The following SCRN1 variants were observed in gnomAD, a reference collection of about 807,000 sequenced individuals.
SCRN1 encodes the protein secernin 1.
Under a neutral mutation model 43.3 loss-of-function variants are expected in SCRN1, and 19 were observed. The observed-to-expected ratio is 0.44, with a 90% CI of 0.31 to 0.64. The LOEUF (loss-of-function observed/expected upper bound fraction) is 0.64. SCRN1 is among the 30% of genes least tolerant of loss of function. The probability of loss-of-function intolerance (pLI) is 0.09; values close to 1 mark genes in which losing one functional copy is unlikely to be tolerated. For synonymous variants in SCRN1, 183 were observed against 188.9 expected (o/e 0.97, Z 0.26); for missense variants, 447 against 524.1 (o/e 0.85, Z 1.44).
chr7:29,963,866 A>G (rs1320607453), intron 2 of SCRN1, among the ~76,000 whole-genome samples: 1 of 152,248 alleles, frequency 6.6e-6, no homozygotes, highest in African/African-American at 2.4e-5. Flanking sequence ...TGTTAAGTGA[A>G]AATAGGAAAG....
At chr7:29,948,866 G>A (rs1238301793) in intron 3 of SCRN1, among the ~76,000 whole-genome samples, 2 of 152,120 alleles carry the variant, frequency 1.3e-5, no homozygotes, top group Admixed American at 6.5e-5. Context: ...CATGGAAATT[G>A]AAAAAGGACT....
intron 2 of SCRN1, among the ~76,000 whole-genome samples, chr7:29,963,803 T>G (rs1030647777): frequency 1.3e-5 from 2 of 152,098 alleles, no homozygotes; most frequent in Non-Finnish European, 2.9e-5. Context: ...TGGATTACTA[T>G]GTAGCTGTAA....
intron 6 of SCRN1, among the ~76,000 whole-genome samples, chr7:29,934,987 G>C (rs983197174): frequency 4.6e-5 from 7 of 152,218 alleles, no homozygotes; most frequent in African/African-American, 1.7e-4. Context: ...TGTTGTTCCT[G>C]CTTTTTACCT....
chr7:29,973,687 C>G (rs1049545193), intron 1 of SCRN1, among the ~76,000 whole-genome samples: 1 of 152,152 alleles, frequency 6.6e-6, no homozygotes, highest in South Asian at 2.1e-4. Flanking sequence ...AAATTGCATA[C>G]AGACAATATC....
intron 2 of SCRN1, among the ~76,000 whole-genome samples, chr7:29,963,944 G>A (rs183818155): frequency 6.6e-6 from 1 of 152,300 alleles, no homozygotes; most frequent in East Asian, 1.9e-4. Flanking sequence ...TATACATAAT[G>A]TGCTGCATTC....
intron 6 of SCRN1, among the ~76,000 whole-genome samples, chr7:29,932,699 G>A (rs546066064): frequency 3.7e-4 from 52 of 141,386 alleles, no homozygotes; most frequent in African/African-American, 1.3e-3. Context: ...ACTGAGAGGA[G>A]AAGAGGAGGA....
At position 29,952,150 on chromosome 7, in the gene SCRN1, G is replaced by A. The variant is rs572993573; in HGVS notation, c.341+3029C>T. The stretch of plus-strand genomic sequence containing the variant: ...GATAGAAAGTTTCCTGTGGAGCAGC[G>A]GTTCTCACCGTAACCGTGCATCAGC... On this transcript the variant is annotated intron_variant, in intron 3 of 7. Transcript: ENST00000242059. Among the ~76,000 whole-genome samples the A allele has an allele frequency of 1.7e-3, 261 of 152,316 alleles. 1 individual carries two copies. The highest frequency in any genetic ancestry group is 3.9e-3 in the African/African-American group (162 of 41,572).
chr7:29,949,886 G>A (rs1012549695), intron 3 of SCRN1, among the ~76,000 whole-genome samples: 3 of 152,206 alleles, frequency 2.0e-5, no homozygotes, highest in Non-Finnish European at 4.4e-5. Context: ...ATGTTGCCCA[G>A]GCTGGTCTTG....
At chr7:29,970,028 C>T (rs914511816) in intron 1 of SCRN1, 12 of 376,100 alleles carry the variant, frequency 3.2e-5, no homozygotes, top group Admixed American at 3.2e-4. Flanking sequence ...TGCACCAAGC[C>T]ACCACCATCT....
At chr7:29,926,179 A>C (rs1786945220) in intron 7 of SCRN1, among the ~76,000 whole-genome samples, 1 of 152,254 alleles carries the variant, frequency 6.6e-6, no homozygotes, top group Admixed American at 6.5e-5. Context: ...ATTCCTACGT[A>C]AACAGTAAAT....
chr7:29,960,346 T>C (rs958989069), intron 2 of SCRN1, among the ~76,000 whole-genome samples: 1 of 151,806 alleles, frequency 6.6e-6, no homozygotes, highest in Non-Finnish European at 1.5e-5. Flanking sequence ...TTGACGACAG[T>C]GAATCCATAC....
Position 29,985,180 on chromosome 7 carries a change from C to T in SCRN1, c.-2+4462G>A, listed in dbSNP as rs76897274. Among the ~76,000 whole-genome samples the T allele has an allele frequency of 2.8e-5, 4 of 143,108 alleles. 1 individual carries two copies. The highest frequency in any genetic ancestry group is 8.0e-5 in the African/African-American group (3 of 37,664). The allele number at this position is 143,108 out of a possible 152,430, so 93.9% of individuals were successfully genotyped here. On this transcript the variant is annotated intron_variant, in intron 1 of 7. Coordinates refer to ENST00000242059, the MANE Select transcript of SCRN1 (RefSeq NM_014766.5). ...CCAGCACTTGGGAGACTGAGGCAGGCGGATCATGAGGTCAGGAGTTTGAGA... is the reference window on the plus strand; with the variant it reads ...CCAGCACTTGGGAGACTGAGGCAGGTGGATCATGAGGTCAGGAGTTTGAGA...
intron 2 of SCRN1, among the ~76,000 whole-genome samples, chr7:29,967,045 A>G (rs1788520098): frequency 6.6e-6 from 1 of 152,216 alleles, no homozygotes; most frequent in East Asian, 1.9e-4. Context: ...CAATCATCAG[A>G]AAAATCAGTT....
At chr7:29,964,713 C>T (rs569281717) in intron 2 of SCRN1, among the ~76,000 whole-genome samples, 1 of 151,968 alleles carries the variant, frequency 6.6e-6, no homozygotes, top group African/African-American at 2.4e-5. Flanking sequence ...GAGGCCGAGG[C>T]GGGTGGATCA....
chr7:29,969,735 C>T, intron 1 of SCRN1: 1 of 441,338 alleles, frequency 2.3e-6, no homozygotes, highest in Admixed American at 2.5e-5. Flanking sequence ...AAAATGCATC[C>T]ATGCTCAGAG....
At position 29,940,766 on chromosome 7, in the gene SCRN1, C is replaced by T. The variant is rs750761419; in HGVS notation, c.655G>A (p.Glu219Lys). The T allele has an allele frequency of 5.1e-5, 82 of 1,610,250 alleles. 1 individual carries two copies. Among genetic ancestry groups the T allele is most frequent in the Admixed American group, 1.4e-4 (8 of 58,882 alleles). ...QSQGWWTGEG[E>K]FNFSEVFSPV... is the part of the protein sequence containing the mutation. ...GAAAAGACTTCGGAAAAATTGAACT[C>T]GCCCTCTCCCGTCCACCAACCTTGG... Residue 219 changes from glutamate to lysine, a missense_variant, in exon 5 of 8, where the codon GAG becomes AAG. Glu to Lys is a moderately conservative substitution (Grantham distance 56). Coordinates refer to ENST00000242059, the MANE Select transcript of SCRN1 (RefSeq NM_014766.5).
chr7:29,936,299 C>T (rs1303539885), intron 6 of SCRN1, among the ~76,000 whole-genome samples: 1 of 152,184 alleles, frequency 6.6e-6, no homozygotes, highest in Admixed American at 6.5e-5. Context: ...GTAAGGACCA[C>T]AATTACTTTC....
At chr7:29,934,817 C>G (rs890394635) in intron 6 of SCRN1, among the ~76,000 whole-genome samples, 2 of 152,158 alleles carry the variant, frequency 1.3e-5, no homozygotes, top group African/African-American at 4.8e-5. Flanking sequence ...ACGGGTGCCA[C>G]GGGAGGGTGG....
Position 29,968,910 on chromosome 7 carries a change from T to C in SCRN1, c.158A>G (p.Glu53Gly). 6.2e-7 allele frequency: 1 copy of C among 1,614,136 alleles called. No homozygotes were observed. The highest frequency in any genetic ancestry group is 1.1e-5 in the South Asian group (1 of 91,076). ...GCGAGACTGCAATGCACGGCTTACCTCAACCTTGCTCTCCGGTTCGTGATC... is the reference window on the plus strand; with the variant it reads ...GCGAGACTGCAATGCACGGCTTACCCCAACCTTGCTCTCCGGTTCGTGATC... ...AADHEPESKV[E>G]CTYISIDQVP... Residue 53 changes from glutamate to glycine, a missense_variant and splice_region_variant, in exon 2 of 8, where the codon GAG (glutamate) becomes GGG (glycine). Transcript: ENST00000242059.
Sources: allele counts gnomAD v4.1 joint callset (sites outside exome capture counted in the v4.1 genomes callset), GRCh38; gene constraint gnomAD v4.1.1; transcripts MANE v1.5; gene names NCBI Gene and HGNC (gene_info 2026-07-23, HGNC 2026-07-21).